CPED1: variants seen among roughly 807,000 people sequenced by gnomAD.
CPED1 encodes cadherin like and PC-esterase domain containing 1.
Under a neutral mutation model 128.2 loss-of-function variants are expected in CPED1, and 114 were observed. The observed-to-expected ratio is 0.89, with a 90% CI of 0.76 to 1.04. The LOEUF is 1.04. Among genes scored for constraint, CPED1 ranks in the 50% least tolerant of loss-of-function variants. CPED1 has a pLI of 0.00. For missense variants in CPED1, 1,211 were observed against 1,207.1 expected, an observed-to-expected ratio of 1.00 and a Z score of -0.05; for synonymous variants, 462 against 426.7, an observed-to-expected ratio of 1.08 and a Z score of -1.02.
chr7:121,098,991 C>T (rs1794773693), intron 6 of CPED1, among the ~76,000 whole-genome samples: 1 of 150,672 alleles, frequency 6.6e-6, no homozygotes. Flanking sequence ...ACTGGTGTTA[C>T]TTTTCCTTAG....
chr7:121,010,418 T>C (rs1792128397), intron 2 of CPED1, among the ~76,000 whole-genome samples: 1 of 152,130 alleles, frequency 6.6e-6, no homozygotes. Flanking sequence ...CCAGCTATTT[T>C]TTCTATTTTT....
At chr7:121,278,420 G>A (rs1343914337) in intron 22 of CPED1, among the ~76,000 whole-genome samples, 3 of 152,098 alleles carry the variant, frequency 2.0e-5, no homozygotes, top group Non-Finnish European at 4.4e-5. Context: ...AGAGCCTCCA[G>A]TGTCAACTAC....
intron 16 of CPED1, among the ~76,000 whole-genome samples, chr7:121,216,083 A>T (rs1248812258): frequency 6.6e-6 from 1 of 152,080 alleles, no homozygotes. Context: ...CTACACTCTT[A>T]AACTCTTACC....
chr7:121,042,333 T>C (rs558448617), intron 3 of CPED1, among the ~76,000 whole-genome samples: 8 of 152,148 alleles, frequency 5.3e-5, no homozygotes, highest in Non-Finnish European at 1.2e-4. Flanking sequence ...ACCTGAGTTA[T>C]ACCTGCTGTA....
intron 18 of CPED1, among the ~76,000 whole-genome samples, chr7:121,245,650 T>C (rs189131064): frequency 6.6e-6 from 1 of 152,254 alleles, no homozygotes; most frequent in East Asian, 1.9e-4. Context: ...CTCAGAGAGA[T>C]TGAGTAATTC....
intron 16 of CPED1, among the ~76,000 whole-genome samples, chr7:121,172,365 C>T (rs1421318314): frequency 2.0e-5 from 3 of 151,252 alleles, no homozygotes; most frequent in Non-Finnish European, 2.9e-5. Flanking sequence ...TAACCCTGTC[C>T]TGACTGAAAT....
intron 16 of CPED1, among the ~76,000 whole-genome samples, chr7:121,184,936 T>A (rs1212001234): frequency 6.6e-6 from 1 of 152,136 alleles, no homozygotes; most frequent in Non-Finnish European, 1.5e-5. Context: ...ACCATTTAAT[T>A]CCTATGGTTA....
At chr7:121,059,163 G>C (rs1793585347) in intron 4 of CPED1, among the ~76,000 whole-genome samples, 1 of 152,180 alleles carries the variant, frequency 6.6e-6, no homozygotes, top group Admixed American at 6.5e-5. Flanking sequence ...CAAAAGCAGA[G>C]AGATTGATTT....
intron 3 of CPED1, among the ~76,000 whole-genome samples, chr7:121,023,425 A>G (rs1414704245): frequency 2.0e-5 from 3 of 152,194 alleles, no homozygotes; most frequent in South Asian, 2.1e-4. Flanking sequence ...TTTGGTTGCA[A>G]CAGAAGCAAC....
At chr7:121,035,515 G>A (rs184257755) in intron 3 of CPED1, among the ~76,000 whole-genome samples, 30 of 152,162 alleles carry the variant, frequency 2.0e-4, no homozygotes. Flanking sequence ...GTTTGAGAAA[G>A]AGTGGCTATA....
At chr7:121,027,332 C>T (rs1268377240) in intron 3 of CPED1, among the ~76,000 whole-genome samples, 1 of 152,030 alleles carries the variant, frequency 6.6e-6, no homozygotes, top group African/African-American at 2.4e-5. Flanking sequence ...GTATTATAAA[C>T]TTCTTGTGAA....
chr7:121,210,690 G>A (rs1797623402), intron 16 of CPED1, among the ~76,000 whole-genome samples: 1 of 151,900 alleles, frequency 6.6e-6, no homozygotes, highest in South Asian at 2.1e-4. Flanking sequence ...GGGAAATGGG[G>A]ATGGTTGATG....
intron 16 of CPED1, among the ~76,000 whole-genome samples, chr7:121,216,804 A>G (rs1000587154): frequency 2.0e-5 from 3 of 152,066 alleles, no homozygotes; most frequent in African/African-American, 7.2e-5. Flanking sequence ...TAAGAAAGGA[A>G]TGGTAAATAT....
At chr7:121,037,451 G>A (rs1792924377) in intron 3 of CPED1, among the ~76,000 whole-genome samples, 1 of 152,052 alleles carries the variant, frequency 6.6e-6, no homozygotes, top group African/African-American at 2.4e-5. Flanking sequence ...TTGGCTGTAA[G>A]TATTTGGGGT....
At chr7:121,182,489 C>T (rs1796921387) in intron 16 of CPED1, among the ~76,000 whole-genome samples, 1 of 151,592 alleles carries the variant, frequency 6.6e-6, no homozygotes, top group Non-Finnish European at 1.5e-5. Context: ...TTCTTCCTTT[C>T]TTTCCTCCTT....
intron 16 of CPED1, among the ~76,000 whole-genome samples, chr7:121,169,260 AC>A (rs869214619): frequency 8.4e-6 from 1 of 119,726 alleles, no homozygotes; most frequent in African/African-American, 2.6e-5. Flanking sequence ...CATTCATAAG[AC>A]AGTATTAAAA....
intron 16 of CPED1, among the ~76,000 whole-genome samples, chr7:121,221,923 G>A (rs892228519): frequency 2.0e-5 from 3 of 152,068 alleles, no homozygotes; most frequent in Non-Finnish European, 4.4e-5. Flanking sequence ...TCACTCTGAT[G>A]GTAGTTTCTT....
intron 16 of CPED1, among the ~76,000 whole-genome samples, chr7:121,210,863 A>G (rs190754399): frequency 3.3e-5 from 5 of 152,126 alleles, no homozygotes; most frequent in East Asian, 1.9e-4. Context: ...TGGAAACCCT[A>G]TTTACCCTGA....
At chr7:121,112,884 G>A (rs1010492946) in intron 7 of CPED1, among the ~76,000 whole-genome samples, 1 of 152,158 alleles carries the variant, frequency 6.6e-6, no homozygotes, top group Non-Finnish European at 1.5e-5. Flanking sequence ...ATTACCAGCA[G>A]GTTTGGCAGG....
Sources: allele counts gnomAD v4.1 joint callset (sites outside exome capture counted in the v4.1 genomes callset), GRCh38; gene constraint gnomAD v4.1.1; transcripts MANE v1.5; gene names NCBI Gene and HGNC (gene_info 2026-07-23, HGNC 2026-07-21).